Variants in TBC1D22A observed in about 807,000 individuals in gnomAD.
TBC1D22A encodes TBC1 domain family member 22A.
Under a neutral mutation model 60.2 loss-of-function variants are expected in TBC1D22A, and 38 were observed. The observed-to-expected ratio is 0.63, with a 90% CI of 0.49 to 0.83. The LOEUF (loss-of-function observed/expected upper bound fraction) is 0.83. Ranked by LOEUF, TBC1D22A falls within the 40% of genes least tolerant of loss-of-function variation. TBC1D22A has a pLI of 0.00. For missense variants in TBC1D22A, 628 were observed against 701.0 expected (o/e 0.90, Z 1.18); for synonymous variants, 302 against 281.7 (o/e 1.07, Z -0.72).
intron 12 of TBC1D22A, among the ~76,000 whole-genome samples, chr22:47,142,939 G>T (rs2067162694): frequency 7.2e-6 from 1 of 138,488 alleles, no homozygotes; most frequent in South Asian, 2.4e-4. Context: ...GTTGCTCTCA[G>T]TCAAGCACTG....
intron 12 of TBC1D22A, among the ~76,000 whole-genome samples, chr22:47,123,108 G>A (rs751020195): frequency 6.6e-6 from 1 of 152,220 alleles, no homozygotes; most frequent in Non-Finnish European, 1.5e-5. Flanking sequence ...GCTGAGGGGT[G>A]TTCCCGTGAG....
rs112118631 is a variant in TBC1D22A at position 47,069,842 on chromosome 22, G to A, written c.1329+32644G>A. 6.7e-3 allele frequency among the ~76,000 whole-genome samples: 647 copies of A among 96,140 alleles called. 32 individuals are homozygous for A. The highest frequency in any genetic ancestry group is 0.015 in the Middle Eastern group (2 of 130). The allele number at this position is 96,140 out of a possible 152,430, so 63.1% of individuals were successfully genotyped here. ...GTTCCCTGTTGTTTGGTTGGAGCGG[G>A]GCTGACCTGACGGTTCCAGGCTGTT... On this transcript the variant is annotated intron_variant, in intron 11 of 12. Coordinates refer to ENST00000337137, the MANE Select transcript of TBC1D22A (RefSeq NM_014346.5).
chr22:46,851,243 G>C, intron 4 of TBC1D22A, among the ~76,000 whole-genome samples: 1 of 152,264 alleles, frequency 6.6e-6, no homozygotes, highest in Non-Finnish European at 1.5e-5. Context: ...GTTTCAGTCT[G>C]TTGGAGAGGT....
intron 1 of TBC1D22A, among the ~76,000 whole-genome samples, chr22:46,766,009 T>A (rs1316781640): frequency 1.3e-4 from 18 of 137,908 alleles, no homozygotes; most frequent in South Asian, 2.3e-4. Flanking sequence ...GTGTGTGTAT[T>A]TTTTTTGAGA....
intron 9 of TBC1D22A, among the ~76,000 whole-genome samples, chr22:46,983,067 C>T (rs745991777): frequency 5.9e-5 from 9 of 152,196 alleles, no homozygotes; most frequent in Non-Finnish European, 1.2e-4. Context: ...TTTCCACCTG[C>T]GTGACCGTGT....
rs369651953 is a variant in TBC1D22A, at chr22:46,797,627, A to T, written c.637+7A>T. Reference sequence around the variant, plus strand: ...GGCCCCAACACGGACCTTGGTAAGCACCCTGCCCTCTGGAGGACACACACA... The same window carrying T: ...GGCCCCAACACGGACCTTGGTAAGCTCCCTGCCCTCTGGAGGACACACACA... On this transcript the variant is annotated splice_region_variant and intron_variant, in intron 4 of 12. Transcript: ENST00000337137. The T allele has an allele frequency of 2.7e-5, 43 of 1,595,302 alleles. No individual in the cohort carries two copies. In the African/African-American group the frequency reaches 3.1e-4, roughly 12 times the overall value.
chr22:47,061,949 G>A lies in TBC1D22A; in HGVS notation c.1329+24751G>A, dbSNP rs113238727. 1.1e-4 allele frequency among the ~76,000 whole-genome samples: 16 copies of A among 152,120 alleles called. No homozygotes were observed. In the South Asian group the frequency reaches 1.2e-3, roughly 12 times the overall value. On this transcript the variant is annotated intron_variant, in intron 11 of 12. Transcript: ENST00000337137. ...CTAAAAATACAAACGTTAGCCAGGC[G>A]TGGTGGTGCATGCCAGTGATCCCAG...
intron 11 of TBC1D22A, among the ~76,000 whole-genome samples, chr22:47,106,024 G>T (rs1468080110): frequency 6.6e-6 from 1 of 152,186 alleles, no homozygotes; most frequent in Admixed American, 6.5e-5. Context: ...AGGCAGAATT[G>T]AAGAAATAAC....
At chr22:46,872,478 G>A (rs375861954) in intron 4 of TBC1D22A, among the ~76,000 whole-genome samples, 2 of 151,994 alleles carry the variant, frequency 1.3e-5, no homozygotes, top group African/African-American at 2.4e-5. Context: ...AGGAATTGCT[G>A]TCCTGTTATC....
intron 10 of TBC1D22A, among the ~76,000 whole-genome samples, chr22:47,018,773 A>G (rs2061985929): frequency 6.6e-6 from 1 of 152,064 alleles, no homozygotes; most frequent in Non-Finnish European, 1.5e-5. Flanking sequence ...GGGCGGGGCC[A>G]AGGCTGCTGA....
chr22:46,886,146 G>A (rs552254797), intron 5 of TBC1D22A, among the ~76,000 whole-genome samples: 2 of 152,142 alleles, frequency 1.3e-5, no homozygotes, highest in South Asian at 2.1e-4. Flanking sequence ...TGATCTGCCC[G>A]CCTCTGCCTC....
chr22:47,129,550 G>T (rs956869479), intron 12 of TBC1D22A, among the ~76,000 whole-genome samples: 3 of 152,162 alleles, frequency 2.0e-5, no homozygotes, highest in Non-Finnish European at 4.4e-5. Context: ...CGAAGTGGGT[G>T]GTGACCCTAG....
At chr22:46,832,261 A>C (rs566365466) in intron 4 of TBC1D22A, among the ~76,000 whole-genome samples, 7 of 152,358 alleles carry the variant, frequency 4.6e-5, no homozygotes, top group African/African-American at 7.2e-5. Context: ...TGTGTGGGGA[A>C]GTCACGTTGT....
At chr22:47,113,507 C>A (rs1009788988) in intron 12 of TBC1D22A, among the ~76,000 whole-genome samples, 1 of 152,152 alleles carries the variant, frequency 6.6e-6, no homozygotes, top group South Asian at 2.1e-4. Context: ...CATGTCTCAT[C>A]GTCTCCAGAA....
intron 4 of TBC1D22A, among the ~76,000 whole-genome samples, chr22:46,817,367 G>C (rs112474165): frequency 0.074 from 11,215 of 151,764 alleles, 585 homozygotes; most frequent in Non-Finnish European, 0.11. Context: ...TGCACCTATT[G>C]ACCTGTCACC....
chr22:46,968,853 C>T (rs1424518338), intron 8 of TBC1D22A, among the ~76,000 whole-genome samples: 1 of 152,196 alleles, frequency 6.6e-6, no homozygotes, highest in Non-Finnish European at 1.5e-5. Flanking sequence ...TGGTTTTCTC[C>T]TGACCAAGCT....
At position 46,901,205 on chromosome 22, in the gene TBC1D22A, C is replaced by T. The variant is rs183366490; in HGVS notation, c.900+6359C>T. Among the ~76,000 whole-genome samples the T allele has an allele frequency of 7.0e-4, 106 of 152,300 alleles. 1 individual carries two copies. Among genetic ancestry groups the T allele is most frequent in the African/African-American group, 2.5e-3 (102 of 41,560 alleles). ...GCATCTAACGTGCCAGGCCACACTGCAGGATTAAGTTTGCTAACATGTGAT... is the reference window on the plus strand; with the variant it reads ...GCATCTAACGTGCCAGGCCACACTGTAGGATTAAGTTTGCTAACATGTGAT... On this transcript the variant is annotated intron_variant, in intron 7 of 12. Coordinates refer to ENST00000337137, the MANE Select transcript of TBC1D22A (RefSeq NM_014346.5).
At chr22:46,880,645 AG>A (rs1248553771) in intron 5 of TBC1D22A, among the ~76,000 whole-genome samples, 1 of 152,118 alleles carries the variant, frequency 6.6e-6, no homozygotes, top group African/African-American at 2.4e-5. Context: ...TGCATGCTAT[AG>A]GATGGACAGG....
intron 4 of TBC1D22A, among the ~76,000 whole-genome samples, chr22:46,851,091 A>C (rs1198165202): frequency 6.6e-6 from 1 of 152,190 alleles, no homozygotes; most frequent in Admixed American, 6.5e-5. Flanking sequence ...ACAGGTCTGC[A>C]TATACTGGAA....
Sources: gnomAD v4.1 joint callset for allele counts (sites outside exome capture counted in the v4.1 genomes callset) on GRCh38, gnomAD v4.1.1 for gene constraint, MANE v1.5 for transcripts, NCBI Gene and HGNC (gene_info 2026-07-23, HGNC 2026-07-21) for gene names.